Variants in ADAMTSL3 observed in about 807,000 individuals in gnomAD.
ADAMTSL3 encodes the protein ADAMTS like 3, also known as ADAMTS-like protein 3.
ADAMTSL3 carries 128 observed loss-of-function variants against 201.7 expected under a neutral mutation model. The observed-to-expected ratio is 0.63, with a 90% confidence interval of 0.55 to 0.73. The LOEUF is 0.73. Ranked by LOEUF, ADAMTSL3 falls within the 30% of genes least tolerant of loss-of-function variation. The probability of loss-of-function intolerance (pLI) is 0.00; values close to 1 mark genes in which losing one functional copy is unlikely to be tolerated. For synonymous variants in ADAMTSL3, 738 were observed against 748.4 expected, an observed-to-expected ratio of 0.99 and a Z score of 0.23; for missense variants, 1,990 against 2,119.6, an observed-to-expected ratio of 0.94 and a Z score of 1.20.
rs117831252 is a variant in ADAMTSL3 at position 83,954,055 on chromosome 15, C to T, written c.2490+10973C>T. 6.5e-4 allele frequency among the ~76,000 whole-genome samples: 99 copies of T among 152,278 alleles called. 1 individual carries two copies. The East Asian group carries it at 0.019, about 29-fold the overall frequency. ...CTTGGTATTATATAACCTTCTTGCA[C>T]TTGAATGTTAATATCTTTCTCTAGG... is the stretch of plus-strand genomic sequence containing the variant. On this transcript the variant is annotated intron_variant, in intron 19 of 29. Transcript: ENST00000286744.
At chr15:83,751,825 A>G (rs1225149812) in intron 3 of ADAMTSL3, among the ~76,000 whole-genome samples, 1 of 152,192 alleles carries the variant, frequency 6.6e-6, no homozygotes, top group African/African-American at 2.4e-5. Context: ...TGTTCAAGTG[A>G]GGAGTAAAAA....
At chr15:83,778,530 G>C (rs530444650) in intron 4 of ADAMTSL3, among the ~76,000 whole-genome samples, 1 of 152,232 alleles carries the variant, frequency 6.6e-6, no homozygotes, top group South Asian at 2.1e-4. Context: ...CTTCATAAGT[G>C]AATGATGAAT....
intron 2 of ADAMTSL3, among the ~76,000 whole-genome samples, chr15:83,701,100 A>G (rs761231808): frequency 4.6e-5 from 7 of 152,202 alleles, no homozygotes; most frequent in Middle Eastern, 3.4e-3. Flanking sequence ...GCAGAGAGCA[A>G]TTTTCTTAGA....
intron 18 of ADAMTSL3, 56 bp downstream of exon 18, chr15:83,942,844 G>A (rs1375611874): frequency 1.2e-6 from 2 of 1,606,084 alleles, no homozygotes; most frequent in East Asian, 2.2e-5. Context: ...GAGAGGCCCT[G>A]CACTGCACTA....
At chr15:84,011,758 CAA>C (rs926632512) in intron 23 of ADAMTSL3, among the ~76,000 whole-genome samples, 5 of 152,042 alleles carry the variant, frequency 3.3e-5, no homozygotes, top group East Asian at 1.9e-4. Context: ...TGACTAGAAA[CAA>C]GATAAATATG....
At chr15:83,971,449 C>T (rs1253269500) in intron 20 of ADAMTSL3, among the ~76,000 whole-genome samples, 7 of 149,708 alleles carry the variant, frequency 4.7e-5, no homozygotes, top group South Asian at 2.1e-4. Flanking sequence ...CCCAGCTACT[C>T]GAGAGGCTGA....
At chr15:83,738,966 T>A (rs2062411118) in intron 3 of ADAMTSL3, among the ~76,000 whole-genome samples, 2 of 148,510 alleles carry the variant, frequency 1.3e-5, no homozygotes, top group African/African-American at 5.0e-5. Context: ...TAAAATAAAA[T>A]AAAATAAAGA....
intron 8 of ADAMTSL3, among the ~76,000 whole-genome samples, chr15:83,866,625 G>A (rs969889482): frequency 2.0e-5 from 3 of 151,986 alleles, no homozygotes; most frequent in African/African-American, 7.3e-5. Flanking sequence ...GGGGGGAGTG[G>A]GGAGGGATAG....
At chr15:83,989,488 C>T (rs1263136661) in intron 22 of ADAMTSL3, among the ~76,000 whole-genome samples, 1 of 152,068 alleles carries the variant, frequency 6.6e-6, no homozygotes, top group East Asian at 1.9e-4. Context: ...TTTAAAGTTC[C>T]ATCAGTCAAC....
intron 23 of ADAMTSL3, among the ~76,000 whole-genome samples, chr15:84,004,488 C>T (rs1368558370): frequency 6.6e-6 from 1 of 152,102 alleles, no homozygotes; most frequent in Non-Finnish European, 1.5e-5. Context: ...TCAACTAGAA[C>T]CAGGAGTAAA....
chr15:84,038,179 C>A lies in ADAMTSL3; in HGVS notation c.*373C>A. On this transcript the variant is annotated 3_prime_UTR_variant, in exon 30 of 30. Coordinates refer to ENST00000286744, the MANE Select transcript of ADAMTSL3 (RefSeq NM_207517.3). ...TGGTACATCCTAAAAACTTGGGAAA[C>A]ACAGCAACCCATGACTTCCTCTTCT... is the stretch of plus-strand genomic sequence containing the variant. 5.6e-6 allele frequency: 1 copy of A among 177,894 alleles called. No individual in the cohort carries two copies. Among genetic ancestry groups the A allele is most frequent in the Non-Finnish European group, 1.2e-5 (1 of 85,242 alleles). The allele number at this position is 177,894 out of a possible 1,614,324, so 11.0% of individuals were successfully genotyped here. A position where few individuals can be genotyped will look rare whatever the true frequency, so the allele number is the denominator to read the frequency against.
chr15:83,752,499 A>T (rs756972893), intron 3 of ADAMTSL3, among the ~76,000 whole-genome samples: 11 of 152,244 alleles, frequency 7.2e-5, no homozygotes, highest in Non-Finnish European at 1.5e-4. Context: ...ACACACACAC[A>T]CACATACATA....
At chr15:83,929,219 T>A (rs1287613967) in intron 17 of ADAMTSL3, among the ~76,000 whole-genome samples, 1 of 152,162 alleles carries the variant, frequency 6.6e-6, no homozygotes, top group African/African-American at 2.4e-5. Context: ...GGGGCTGCCA[T>A]AACAAAGCAC....
chr15:83,735,499 T>A (rs1453671462), intron 3 of ADAMTSL3, among the ~76,000 whole-genome samples: 1 of 152,190 alleles, frequency 6.6e-6, no homozygotes, highest in Non-Finnish European at 1.5e-5. Context: ...CTCTTTAATC[T>A]TCTTTCCAGA....
intron 10 of ADAMTSL3, among the ~76,000 whole-genome samples, chr15:83,885,922 C>T (rs2065380551): frequency 6.6e-6 from 1 of 152,068 alleles, no homozygotes; most frequent in Non-Finnish European, 1.5e-5. Context: ...ACAGGTTTCA[C>T]CACGTTGGCC....
At chr15:83,846,110 C>T (rs1390519388) in intron 7 of ADAMTSL3, among the ~76,000 whole-genome samples, 1 of 152,150 alleles carries the variant, frequency 6.6e-6, no homozygotes, top group East Asian at 1.9e-4. Context: ...CCCGTGGTCA[C>T]CCAGGAGACC....
At chr15:84,015,578 A>ATATG (rs1241449603) in intron 24 of ADAMTSL3, among the ~76,000 whole-genome samples, 1 of 152,134 alleles carries the variant, frequency 6.6e-6, no homozygotes, top group Non-Finnish European at 1.5e-5. Context: ...TAGTGCCCAA[A>ATATG]TATGTAGTCT....
chr15:83,799,468 C>T (rs1416275842), intron 4 of ADAMTSL3, among the ~76,000 whole-genome samples: 10 of 152,008 alleles, frequency 6.6e-5, no homozygotes, highest in African/African-American at 2.4e-4. Context: ...AGTTAAGTGC[C>T]AATCATGGGA....
At chr15:83,803,085 A>G (rs1180912646) in intron 4 of ADAMTSL3, among the ~76,000 whole-genome samples, 1 of 152,192 alleles carries the variant, frequency 6.6e-6, no homozygotes, top group African/African-American at 2.4e-5. Context: ...TTATCATTGA[A>G]ATGAGAAAAT....
Sources: allele counts gnomAD v4.1 joint callset (sites outside exome capture counted in the v4.1 genomes callset), GRCh38; gene constraint gnomAD v4.1.1; transcripts MANE v1.5; gene names NCBI Gene and HGNC (gene_info 2026-07-23, HGNC 2026-07-21).